CHL1: variants seen among roughly 807,000 people sequenced by gnomAD.
CHL1 encodes cell adhesion molecule L1 like.
A neutral mutation model predicts 141.9 loss-of-function variants in CHL1; 96 were observed. The observed-to-expected ratio is 0.68, with a 90% confidence interval of 0.57 to 0.80. The LOEUF is 0.80. Among genes scored for constraint, CHL1 ranks in the 30% least tolerant of loss-of-function variants. CHL1 has a pLI of 0.00. For missense variants in CHL1, 1,820 were observed against 1,457.2 expected (o/e 1.25, Z -4.05); for synonymous variants, 613 against 502.2 (o/e 1.22, Z -2.95).
intron 2 of CHL1, among the ~76,000 whole-genome samples, chr3:310,339 A>T (rs1261054338): frequency 1.3e-5 from 2 of 152,132 alleles, no homozygotes; most frequent in Non-Finnish European, 2.9e-5. Context: ...AGGCTGAGGC[A>T]GGATGCTCAC....
chr3:327,668 A>C (rs1366453944), intron 4 of CHL1, among the ~76,000 whole-genome samples: 1 of 151,948 alleles, frequency 6.6e-6, no homozygotes, highest in East Asian at 1.9e-4. Flanking sequence ...AATTGTCTTT[A>C]GTATCATTAT....
At chr3:202,579 C>A (rs1379457517) in intron 1 of CHL1, among the ~76,000 whole-genome samples, 2 of 152,140 alleles carry the variant, frequency 1.3e-5, no homozygotes, top group Non-Finnish European at 2.9e-5. Context: ...TTTTTGAAAA[C>A]TTCTAGTGCG....
At chr3:283,739 C>T (rs973591141) in intron 2 of CHL1, among the ~76,000 whole-genome samples, 7 of 152,128 alleles carry the variant, frequency 4.6e-5, no homozygotes, top group South Asian at 2.1e-4. Flanking sequence ...CCATCATCCC[C>T]GGCATCTCAA....
intron 2 of CHL1, among the ~76,000 whole-genome samples, chr3:266,839 T>C (rs1327013210): frequency 6.6e-6 from 1 of 152,144 alleles, no homozygotes; most frequent in Non-Finnish European, 1.5e-5. Flanking sequence ...TTATTTACAC[T>C]TCATGTTGTG....
intron 27 of CHL1, among the ~76,000 whole-genome samples, chr3:404,357 A>T (rs1398991142): frequency 6.6e-6 from 1 of 152,204 alleles, no homozygotes; most frequent in East Asian, 1.9e-4. Flanking sequence ...TTATAAAGTG[A>T]TATGTACATC....
chr3:241,577 C>T (rs1475718109), intron 1 of CHL1, among the ~76,000 whole-genome samples: 1 of 119,560 alleles, frequency 8.4e-6, no homozygotes, highest in African/African-American at 2.6e-5. Flanking sequence ...CAGTATACTT[C>T]TCTCTGGTTT....
At chr3:327,339 G>C (rs1701092924) in intron 4 of CHL1, among the ~76,000 whole-genome samples, 1 of 151,942 alleles carries the variant, frequency 6.6e-6, no homozygotes, top group South Asian at 2.1e-4. Context: ...CTATCAGACT[G>C]ATAAAGATTT....
intron 19 of CHL1, among the ~76,000 whole-genome samples, chr3:386,119 T>C (rs985273846): frequency 3.3e-5 from 5 of 150,562 alleles, no homozygotes; most frequent in African/African-American, 1.2e-4. Flanking sequence ...CACAATCAGA[T>C]AGTATTGTGA....
In CHL1 at chr3:282,295, C is replaced by T. The variant is rs1310700666; in HGVS notation, c.-94-37388C>T. Among the ~76,000 whole-genome samples the T allele has an allele frequency of 3.3e-5, 5 of 152,122 alleles. No individual in the cohort carries two copies. In the South Asian group the frequency reaches 1.0e-3, roughly 32 times the overall value. ...TTCTTTCCTCCTTGGCTGTTATTGT[C>T]ATACAAATTACTTTTATACTGTGTA... On this transcript the variant is annotated intron_variant, in intron 2 of 27. Transcript: ENST00000256509.
chr3:366,017 T>C lies in CHL1; in HGVS notation c.1653T>C (p.His551=). Residue 551 remains histidine (H), a synonymous_variant, in exon 15 of 28, where the codon CAT becomes CAC. Coordinates refer to ENST00000256509, the MANE Select transcript of CHL1 (RefSeq NM_006614.4). ...CCAAATTGCATATGCTTGAATTACA[T>C]TGTGAAAGCAAATGTGACTCACATT... ...RIPKLHMLEL[H]CESKCDSHLK... 1 of 1,613,610 alleles carries C rather than the reference T, an allele frequency of 6.2e-7. No individual in the cohort carries two copies.
At position 354,759 on chromosome 3, in the gene CHL1, T is replaced by G. The variant is rs146170014; in HGVS notation, c.1153T>G (p.Ser385Ala). 9.6e-5 allele frequency: 155 copies of G among 1,613,306 alleles called. No homozygotes were observed. The African/African-American group carries it at 2.0e-3, about 21-fold the overall frequency. Residue 385 changes from serine (S) to alanine (A), a missense_variant, in exon 11 of 28, where the codon TCC becomes GCC. Coordinates refer to ENST00000256509, the MANE Select transcript of CHL1 (RefSeq NM_006614.4). ...CACAATCAAGTGGAGAGTCAATGGC[T>G]CCCCAGTTGACAGTAAGTTTAAAAA... ...QPTIKWRVNG[S>A]PVDNHPFAGD...
In CHL1 at chr3:366,122, A is replaced by G. The variant is rs542598864; in HGVS notation, c.1751+7A>G. ...ATGGCACAGAAGATGGCAGGTAGGTAAACTATTATGATATGTCATAATATT... is the reference window on the plus strand; with the variant it reads ...ATGGCACAGAAGATGGCAGGTAGGTGAACTATTATGATATGTCATAATATT... On this transcript the variant is annotated splice_region_variant and intron_variant, in intron 15 of 27. Transcript: ENST00000256509. 3.1e-4 allele frequency: 504 copies of G among 1,612,292 alleles called. 8 individuals are homozygous for G. In the South Asian group the frequency reaches 5.1e-3, roughly 16 times the overall value.
At chr3:210,661 G>C (rs4685448) in intron 1 of CHL1, among the ~76,000 whole-genome samples, 1 of 152,074 alleles carries the variant, frequency 6.6e-6, no homozygotes, top group African/African-American at 2.4e-5. Context: ...AGCAGACAAG[G>C]TAGCAAGAAA....
intron 15 of CHL1, among the ~76,000 whole-genome samples, chr3:366,744 T>C (rs1704948811): frequency 6.6e-6 from 1 of 151,408 alleles, no homozygotes; most frequent in Non-Finnish European, 1.5e-5. Context: ...ACTAGTCTTC[T>C]AGGTTCTTGA....
chr3:306,158 T>C (rs1358779564), intron 2 of CHL1, among the ~76,000 whole-genome samples: 1 of 152,158 alleles, frequency 6.6e-6, no homozygotes, highest in African/African-American at 2.4e-5. Flanking sequence ...GGATTTGGCA[T>C]TAATTCTTCT....
At chr3:373,065 G>C (rs1256480544) in intron 15 of CHL1, among the ~76,000 whole-genome samples, 1 of 152,192 alleles carries the variant, frequency 6.6e-6, no homozygotes, top group Non-Finnish European at 1.5e-5. Flanking sequence ...AGCCCTCTTG[G>C]AGGGTCTCAC....
intron 1 of CHL1, among the ~76,000 whole-genome samples, chr3:227,520 C>G (rs958447551): frequency 6.6e-6 from 1 of 152,126 alleles, no homozygotes; most frequent in African/African-American, 2.4e-5. Flanking sequence ...AGGTGATATG[C>G]ATGTGGAGAA....
chr3:327,404 T>A (rs1701098450), intron 4 of CHL1, among the ~76,000 whole-genome samples: 3 of 132,890 alleles, frequency 2.3e-5, no homozygotes, highest in Admixed American at 1.7e-4. Context: ...CATACTGGGG[T>A]GGGAATTTAA....
chr3:382,506 G>C lies in CHL1; in HGVS notation c.2011G>C (p.Glu671Gln). The C allele has an allele frequency of 6.2e-7, 1 of 1,613,806 alleles. No homozygotes were observed. Among genetic ancestry groups the C allele is most frequent in the Non-Finnish European group, 8.5e-7 (1 of 1,179,774 alleles). ...TGTTGAATTTGAAGGAAACAAAGAA[G>C]AGCCTGGAAGGTGGGAGGAACTGAC... Reference protein sequence around the residue: ...YIVEFEGNKEEPGRWEELTRV... With the variant: ...YIVEFEGNKEQPGRWEELTRV... Residue 671 changes from glutamate (E) to glutamine (Q), a missense_variant, in exon 18 of 28, where the codon GAG (glutamate) becomes CAG (glutamine). By Grantham distance (29) the Glu-to-Gln change is conservative. Transcript: ENST00000256509.
Sources: gnomAD v4.1 joint callset for allele counts (sites outside exome capture counted in the v4.1 genomes callset) on GRCh38, gnomAD v4.1.1 for gene constraint, MANE v1.5 for transcripts, NCBI Gene and HGNC (gene_info 2026-07-23, HGNC 2026-07-21) for gene names.